Variants in LPIN1 observed in about 807,000 individuals in gnomAD.
LPIN1 encodes the protein phosphatidate phosphatase LPIN1.
In LPIN1, 71 loss-of-function variants were observed where a neutral mutation model predicts 107.5. The observed-to-expected ratio is 0.66, with a 90% CI of 0.55 to 0.80. The LOEUF (loss-of-function observed/expected upper bound fraction) is 0.80, where lower values mean the gene tolerates loss of function less well. Ranked by LOEUF, LPIN1 falls within the 30% of genes least tolerant of loss-of-function variation. The probability of loss-of-function intolerance (pLI) is 0.00; values close to 1 mark genes in which losing one functional copy is unlikely to be tolerated. For missense variants in LPIN1, 1,043 were observed against 1,160.6 expected, an observed-to-expected ratio of 0.90 and a Z score of 1.47; for synonymous variants, 445 against 452.6, an observed-to-expected ratio of 0.98 and a Z score of 0.21.
rs963392244 is a variant in LPIN1, at chr2:11,767,692, G to C, written c.193-71G>C. 3.2e-5 allele frequency: 30 copies of C among 933,342 alleles called. No individual in the cohort carries two copies. The Middle Eastern group carries it at 1.3e-3, about 39-fold the overall frequency. 57.8% of individuals were successfully genotyped at this position (933,342 alleles called of 1,614,324 possible). ...GATGATAGCGTATCTGTGGAGACTT[G>C]GCCGTCCCCATGAGGTCTCCTGTCC... is the stretch of plus-strand genomic sequence containing the variant. On this transcript the variant is annotated intron_variant, in intron 2 of 20. Transcript: ENST00000674199.
At chr2:11,706,381 G>C (rs1663130770) in intron 1 of LPIN1, among the ~76,000 whole-genome samples, 1 of 152,154 alleles carries the variant, frequency 6.6e-6, no homozygotes, top group South Asian at 2.1e-4. Flanking sequence ...AAATTACATT[G>C]GGTGGTAAAG....
Position 11,747,308 on chromosome 2 carries a change from C to A in LPIN1, c.-10+637C>A, listed in dbSNP as rs1192054748. On this transcript the variant is annotated intron_variant, in intron 1 of 20. Transcript: ENST00000674199. ...AGGAGGTGCTAGGCCTAGTGAGCTCCGTCAGCTGCTCCTGCACGTAATTTT... is the reference window on the plus strand; with the variant it reads ...AGGAGGTGCTAGGCCTAGTGAGCTCAGTCAGCTGCTCCTGCACGTAATTTT... Among the ~76,000 whole-genome samples the A allele has an allele frequency of 3.3e-5, 5 of 152,346 alleles. No individual in the cohort carries two copies. The East Asian group carries it at 9.7e-4, about 29-fold the overall frequency.
At chr2:11,749,474 CCT>C (rs1276217925) in intron 1 of LPIN1, among the ~76,000 whole-genome samples, 2 of 152,204 alleles carry the variant, frequency 1.3e-5, no homozygotes, top group Non-Finnish European at 2.9e-5. Context: ...ACAGCTTTCC[CCT>C]GTCTGTCTCC....
intron 1 of LPIN1, among the ~76,000 whole-genome samples, chr2:11,711,804 T>C (rs1325168590): frequency 6.6e-6 from 1 of 152,198 alleles, no homozygotes; most frequent in Non-Finnish European, 1.5e-5. Context: ...CCATCCTCCA[T>C]GCGGAGGTCA....
At position 11,826,088 on chromosome 2, in the gene LPIN1, AAG is replaced by A. The variant is rs2148747928; in HGVS notation, c.*1299_*1300del. ...GTGGACAGAACAATTTGAAAAGTGA[AAG>A]AATTATTTTGGTAAAAGATTTTGCT... On this transcript the variant is annotated 3_prime_UTR_variant, in exon 21 of 21. Coordinates refer to ENST00000674199, the MANE Select transcript of LPIN1 (RefSeq NM_001349206.2). 6.5e-6 allele frequency: 1 copy of A among 152,778 alleles called. No homozygotes were observed. Among genetic ancestry groups the A allele is most frequent in the Non-Finnish European group, 1.5e-5 (1 of 68,046 alleles). The allele number at this position is 152,778 out of a possible 1,614,324, so 9.5% of individuals were successfully genotyped here. A position where few individuals can be genotyped will look rare whatever the true frequency, so the allele number is the denominator to read the frequency against.
At chr2:11,744,385 G>A (rs894136544), upstream of LPIN1, among the ~76,000 whole-genome samples, 1 of 152,322 alleles carries the variant, frequency 6.6e-6, no homozygotes, top group East Asian at 1.9e-4. Flanking sequence ...TTATCGCCTG[G>A]GAGTGCACTG....
intron 15 of LPIN1, among the ~76,000 whole-genome samples, chr2:11,804,032 T>A (rs1354908992): frequency 6.6e-6 from 1 of 152,230 alleles, no homozygotes; most frequent in Non-Finnish European, 1.5e-5. Context: ...TGAATGATGA[T>A]CTTCCTATTT....
chr2:11,691,522 C>T (rs1048105992), intron 1 of LPIN1, among the ~76,000 whole-genome samples: 2 of 152,178 alleles, frequency 1.3e-5, no homozygotes, highest in Non-Finnish European at 2.9e-5. Context: ...AGGCCAGAGA[C>T]TGTGCCGGGC....
chr2:11,818,731 C>A (rs959836284), intron 18 of LPIN1: 1 of 151,888 alleles, frequency 6.6e-6, no homozygotes, highest in Non-Finnish European at 1.5e-5. Context: ...TGATACAGAC[C>A]ACCCTTATTT....
intron 3 of LPIN1, among the ~76,000 whole-genome samples, chr2:11,768,385 GTATCGCCTCCCCTA>G (rs1302491682): frequency 6.6e-6 from 1 of 151,854 alleles, no homozygotes; most frequent in Non-Finnish European, 1.5e-5. Context: ...TACCCTTTAG[GTATCGCCTCCCCTA>G]TACTCCACCT....
intron 17 of LPIN1, among the ~76,000 whole-genome samples, chr2:11,814,512 A>ATGTGTGTGTGTGTGTGTG (rs71394769): frequency 1.6e-3 from 217 of 138,514 alleles, no homozygotes; most frequent in African/African-American, 5.5e-3. Flanking sequence ...GTGTGTGTGC[A>ATGTGTGTGTGTGTGTGTG]TGTGTGTGTG....
intron 8 of LPIN1, among the ~76,000 whole-genome samples, 176 bp downstream of exon 8, chr2:11,782,683 G>A (rs372617331): frequency 1.8e-4 from 28 of 152,176 alleles, no homozygotes; most frequent in African/African-American, 6.5e-4. Flanking sequence ...TTTAGTCATA[G>A]GAAATCAGAC....
At position 11,741,197 on chromosome 2, in the gene LPIN1, G is replaced by A. The variant is rs1001471704; in HGVS notation, c.-71-152G>A. On this transcript the variant is annotated intron_variant, in intron 1 of 21. Transcript: ENST00000396097. Reference sequence around the variant, plus strand: ...CTGAGGCTTAGCATCCCCATAGAGGGACTGACCAGGAGCCCGGGAGTCCTG... The same window carrying A: ...CTGAGGCTTAGCATCCCCATAGAGGAACTGACCAGGAGCCCGGGAGTCCTG... 1.8e-5 allele frequency: 10 copies of A among 567,326 alleles called. No homozygotes were observed. The Middle Eastern group carries it at 1.4e-3, about 79-fold the overall frequency. The allele number at this position is 567,326 out of a possible 1,614,324, so 35.1% of individuals were successfully genotyped here.
chr2:11,741,571 C>A, intron 2 of LPIN1: 1 of 592,216 alleles, frequency 1.7e-6, no homozygotes, highest in Non-Finnish European at 3.0e-6. Flanking sequence ...TTGAGACCAG[C>A]CTGGGCAACA....
chr2:11,795,467 G>A lies in LPIN1; in HGVS notation c.1866G>A (p.Pro622=), dbSNP rs549167330. Reference sequence around the variant, plus strand: ...CCCATAGCACCGGAGAGCAACCGCCGCAGCTCAGCTTGGCCACCAGGTGCG... The same window carrying A: ...CCCATAGCACCGGAGAGCAACCGCCACAGCTCAGCTTGGCCACCAGGTGCG... ...GKAHSTGEQP[P]QLSLATRVKH... The change falls in exon 14 of 21, where the codon CCG becomes CCA. Residue 622 remains proline (P), a synonymous_variant. Coordinates refer to ENST00000674199, the MANE Select transcript of LPIN1 (RefSeq NM_001349206.2). 2.5e-5 allele frequency: 41 copies of A among 1,614,142 alleles called. No homozygotes were observed. The highest frequency in any genetic ancestry group is 2.0e-4 in the African/African-American group (15 of 75,050).
chr2:11,741,325 G>A, intron 1 of LPIN1: 1 of 1,493,858 alleles, frequency 6.7e-7, no homozygotes, highest in South Asian at 1.3e-5. Flanking sequence ...AGAACATTTT[G>A]TGAATGATGT....
At chr2:11,739,370 G>A (rs180834302) in intron 1 of LPIN1, among the ~76,000 whole-genome samples, 15 of 152,304 alleles carry the variant, frequency 9.8e-5, no homozygotes, top group African/African-American at 3.6e-4. Flanking sequence ...CTGGATTCCT[G>A]ACACAAGAAA....
At chr2:11,769,628 T>G (rs1671532130) in intron 3 of LPIN1, among the ~76,000 whole-genome samples, 1 of 152,176 alleles carries the variant, frequency 6.6e-6, no homozygotes, top group Non-Finnish European at 1.5e-5. Flanking sequence ...CTTTTTAATG[T>G]ATTCTGTTTT....
At chr2:11,819,626 C>G (rs199716915) in intron 19 of LPIN1, 28 bp downstream of exon 19, 19 of 1,501,650 alleles carry the variant, frequency 1.3e-5, no homozygotes, top group Non-Finnish European at 1.8e-5. Context: ...TATAGAAGAA[C>G]CCTTGAAATG....
Sources: allele counts gnomAD v4.1 joint callset (sites outside exome capture counted in the v4.1 genomes callset), GRCh38; gene constraint gnomAD v4.1.1; transcripts MANE v1.5; gene names NCBI Gene and HGNC (gene_info 2026-07-23, HGNC 2026-07-21).